The following VWDE variants were observed in gnomAD, a reference collection of about 807,000 sequenced individuals.
The protein encoded by VWDE is von Willebrand factor D and EGF domain-containing protein.
VWDE carries 207 observed loss-of-function variants against 178.4 expected under a neutral mutation model. That is an observed-to-expected ratio of 1.16 (90% CI 1.04 to 1.30). VWDE has a LOEUF of 1.30. Ranked by LOEUF, VWDE falls within the 50% of genes most tolerant of loss-of-function variation. The pLI, the probability that VWDE is intolerant of heterozygous loss-of-function variation, is 0.00. For missense variants in VWDE, 2,287 were observed against 1,901.3 expected (o/e 1.20, Z -3.77); for synonymous variants, 738 against 651.4 (o/e 1.13, Z -2.02).
At chr7:12,346,361 T>C (rs764382583) in intron 19 of VWDE, among the ~76,000 whole-genome samples, 2 of 152,186 alleles carry the variant, frequency 1.3e-5, no homozygotes, top group Non-Finnish European at 2.9e-5. Flanking sequence ...GAAACAATCA[T>C]TGAGAACTAC....
At chr7:12,377,988 A>T (rs553519091) in intron 6 of VWDE, 68 bp from the exon 7 acceptor site, 2 of 1,233,946 alleles carry the variant, frequency 1.6e-6, no homozygotes, top group South Asian at 2.3e-5. Context: ...CAGTTTTGAA[A>T]GGGCATTTTC....
chr7:12,385,001 T>C (rs17547818), intron 3 of VWDE, among the ~76,000 whole-genome samples: 2,032 of 152,194 alleles, frequency 0.013, 56 homozygotes, highest in African/African-American at 0.044. Flanking sequence ...TAAGTAGAAA[T>C]ACAAAAAATA....
At chr7:12,359,530 T>C in intron 16 of VWDE, 48 bp downstream of exon 16, 1 of 1,325,310 alleles carries the variant, frequency 7.5e-7, no homozygotes, top group Non-Finnish European at 1.0e-6. Context: ...AAACCACTTT[T>C]AAAATGTCTT....
At chr7:12,395,040 C>T (rs1784559387) in intron 1 of VWDE, among the ~76,000 whole-genome samples, 1 of 151,998 alleles carries the variant, frequency 6.6e-6, no homozygotes, top group African/African-American at 2.4e-5. Flanking sequence ...GGCAATTAAA[C>T]TATACAAAGA....
chr7:12,370,441 T>A lies in VWDE; in HGVS notation c.1865A>T (p.Tyr622Phe). 6.5e-7 allele frequency: 1 copy of A among 1,544,050 alleles called. No individual in the cohort carries two copies. ...TGCAGTGTCCAATGAACAGCTACAA[T>A]AGGATGGCTTTCCAGGTGATGTCAT... is the stretch of plus-strand genomic sequence containing the variant. ...VSMTSPGKPS[Y>F]CSCSLDTAAY... Residue 622 changes from tyrosine (Y) to phenylalanine (F), a missense_variant, in exon 12 of 29, where the codon TAT becomes TTT. Physicochemically the swap from Tyr to Phe is conservative, Grantham distance 22. Transcript: ENST00000275358.
chr7:12,397,527 T>A (rs1034676533), intron 1 of VWDE, among the ~76,000 whole-genome samples: 1 of 152,150 alleles, frequency 6.6e-6, no homozygotes, highest in Admixed American at 6.5e-5. Context: ...AACTTATGAC[T>A]AAGTTCTCAA....
At chr7:12,357,811 C>G (rs916909643) in intron 16 of VWDE, among the ~76,000 whole-genome samples, 12 of 152,084 alleles carry the variant, frequency 7.9e-5, no homozygotes, top group Admixed American at 2.0e-4. Flanking sequence ...TGCTGCACCT[C>G]TTCTGTCTTA....
At chr7:12,382,651 C>A (rs1042832175) in intron 4 of VWDE, among the ~76,000 whole-genome samples, 1 of 151,626 alleles carries the variant, frequency 6.6e-6, no homozygotes, top group African/African-American at 2.4e-5. Flanking sequence ...TATAAAACAC[C>A]TCTGTTAATT....
intron 18 of VWDE, among the ~76,000 whole-genome samples, chr7:12,351,919 C>G (rs939568465): frequency 6.6e-6 from 1 of 152,156 alleles, no homozygotes. Flanking sequence ...AATCCCTACT[C>G]CTACATGTGA....
chr7:12,380,350 G>GAAA, intron 5 of VWDE, 136 bp downstream of exon 5: 7 of 1,126,840 alleles, frequency 6.2e-6, no homozygotes, highest in Non-Finnish European at 7.2e-6. Flanking sequence ...CAATTGCAAG[G>GAAA]AAAAAAAAAC....
chr7:12,388,399 T>C (rs1415269877), intron 3 of VWDE, among the ~76,000 whole-genome samples: 1 of 151,744 alleles, frequency 6.6e-6, no homozygotes. Context: ...ATTTTTTTTT[T>C]CCTTATCATA....
In VWDE at chr7:12,374,746, A is replaced by G. The variant is rs1783418337; in HGVS notation, c.1259T>C (p.Val420Ala). The stretch of plus-strand genomic sequence containing the variant: ...AAATGTATAGCAGTAAGCAGTTGGG[A>G]CATCCTTTACTTTGATCTTAAAAGC... ...PDSIQIKVKD[V>A]PTAYCYTFTD... is the part of the protein sequence containing the mutation. Residue 420 changes from valine (V) to alanine (A), a missense_variant, in exon 9 of 29, where the codon GTC becomes GCC. By Grantham distance (64) the Val-to-Ala change is moderately conservative. Transcript: ENST00000275358. The G allele has an allele frequency of 4.6e-6, 7 of 1,538,044 alleles. No individual in the cohort carries two copies. Among genetic ancestry groups the G allele is most frequent in the African/African-American group, 1.4e-5 (1 of 72,658 alleles).
At chr7:12,369,058 T>C (rs1783010734) in intron 12 of VWDE, among the ~76,000 whole-genome samples, 1 of 152,192 alleles carries the variant, frequency 6.6e-6, no homozygotes, top group South Asian at 2.1e-4. Flanking sequence ...AGAGAAAATA[T>C]ACTGTATAGA....
rs1331479721 is a variant in VWDE at position 12,390,338 on chromosome 7, G to A, written c.244-980C>T. On this transcript the variant is annotated intron_variant, in intron 2 of 28. Coordinates refer to ENST00000275358, the MANE Select transcript of VWDE (RefSeq NM_001135924.3). The stretch of plus-strand genomic sequence containing the variant: ...TTACTAAATGCATGATCTTGGACAA[G>A]GCACTCAACATCCTTCTCTTTTATA... Among the ~76,000 whole-genome samples, 5 of 151,968 alleles carry A rather than the reference G, an allele frequency of 3.3e-5. 1 individual carries two copies. The South Asian group carries it at 8.3e-4, about 25-fold the overall frequency.
intron 18 of VWDE, 79 bp from the exon 19 acceptor site, chr7:12,351,792 C>T: frequency 8.0e-7 from 1 of 1,257,690 alleles, no homozygotes; most frequent in Non-Finnish European, 1.1e-6. Context: ...ATATACAATA[C>T]AAACGCCACT....
chr7:12,371,063 A>G (rs1034517075), intron 10 of VWDE, among the ~76,000 whole-genome samples, 199 bp from the exon 11 acceptor site: 5 of 152,092 alleles, frequency 3.3e-5, no homozygotes, highest in African/African-American at 9.7e-5. Flanking sequence ...TGCTGACCTG[A>G]AATTTGATTA....
chr7:12,341,724 T>C (rs1292015285), intron 23 of VWDE, among the ~76,000 whole-genome samples: 1 of 151,748 alleles, frequency 6.6e-6, no homozygotes, highest in Non-Finnish European at 1.5e-5. Context: ...TTTAATGAAA[T>C]AGGATGTTTG....
rs1785036995 is a variant in VWDE, at chr7:12,403,854, C to G, written c.-138G>C. On this transcript the variant is annotated 5_prime_UTR_variant, in exon 1 of 29. Transcript: ENST00000275358. ...TGCTGCTTGGAACAGGGAAGCTCCG[C>G]GTCCTCGTTCTGGGGTGCACCCAGT... 1 of 893,108 alleles carries G rather than the reference C, an allele frequency of 1.1e-6. No homozygotes were observed. 55.3% of individuals were successfully genotyped at this position (893,108 alleles called of 1,614,324 possible).
At chr7:12,382,568 T>C (rs1407512797) in intron 4 of VWDE, among the ~76,000 whole-genome samples, 1 of 151,950 alleles carries the variant, frequency 6.6e-6, no homozygotes, top group Non-Finnish European at 1.5e-5. Context: ...AGCATAATCA[T>C]TTCTAGGCCT....
Sources: allele counts gnomAD v4.1 joint callset (sites outside exome capture counted in the v4.1 genomes callset), GRCh38; gene constraint gnomAD v4.1.1; transcripts MANE v1.5; gene names NCBI Gene and HGNC (gene_info 2026-07-23, HGNC 2026-07-21).